The following TRPV1 variants were observed in gnomAD, a reference collection of about 807,000 sequenced individuals.
TRPV1 encodes OTRPC1.
A neutral mutation model predicts 82.3 loss-of-function variants in TRPV1; 82 were observed. That is an observed-to-expected ratio of 1.00 (90% CI 0.83 to 1.20). TRPV1 has a LOEUF of 1.20. TRPV1 is among the 50% of genes most tolerant of loss of function. TRPV1 has a pLI of 0.00. For missense variants in TRPV1, 1,067 were observed against 1,096.8 expected (o/e 0.97, Z 0.38); for synonymous variants, 515 against 467.7 (o/e 1.10, Z -1.30).
intron 2 of TRPV1, among the ~76,000 whole-genome samples, chr17:3,608,057 C>T (rs1166109750): frequency 6.6e-6 from 1 of 151,656 alleles, no homozygotes; most frequent in East Asian, 2.0e-4. Flanking sequence ...TCTACTAAAA[C>T]TAAATTAGCC....
intron 8 of TRPV1, 110 bp from the exon 9 acceptor site, chr17:3,586,036 C>A (rs1483571259): frequency 3.6e-6 from 5 of 1,404,136 alleles, no homozygotes; most frequent in Non-Finnish European, 4.8e-6. Flanking sequence ...AGTCCTCAGC[C>A]CACGGAGCAG....
intron 2 of TRPV1, chr17:3,596,808 T>C (rs997129654): frequency 6.6e-6 from 1 of 152,354 alleles, no homozygotes; most frequent in Non-Finnish European, 1.5e-5. Context: ...TGAGTGGACC[T>C]GCCCACAGTC....
rs940012640 is a variant in TRPV1 at position 3,571,959 on chromosome 17, C to T, written c.2231+163G>A. On this transcript the variant is annotated intron_variant, in intron 15 of 16. Coordinates refer to ENST00000572705, the MANE Select transcript of TRPV1 (RefSeq NM_080704.4). ...GAGATCTAAGATGGTCCCCTGTGCA[C>T]GCCCACAGCTGAGCTCAGGACGGCC... is the stretch of plus-strand genomic sequence containing the variant. Among the ~76,000 whole-genome samples the T allele has an allele frequency of 4.6e-5, 7 of 152,168 alleles. No homozygotes were observed. The South Asian group carries it at 1.0e-3, about 22-fold the overall frequency.
At chr17:3,608,792 A>C (rs545286762) in intron 1 of TRPV1, 1 of 152,316 alleles carries the variant, frequency 6.6e-6, no homozygotes, top group South Asian at 2.1e-4. Flanking sequence ...TCCCCAGAGC[A>C]CTTCAACCTC....
intron 14 of TRPV1, 146 bp downstream of exon 14, chr17:3,573,487 G>C (rs1179081471): frequency 4.5e-6 from 4 of 883,192 alleles, no homozygotes; most frequent in Non-Finnish European, 6.8e-6. Context: ...GCCCAGCTGG[G>C]TAAGGCAGCG....
intron 2 of TRPV1, among the ~76,000 whole-genome samples, chr17:3,600,143 G>C (rs541461213): frequency 6.6e-6 from 1 of 152,308 alleles, no homozygotes; most frequent in Non-Finnish European, 1.5e-5. Context: ...ATATATAAAA[G>C]ACTCAGCAGT....
intron 2 of TRPV1, among the ~76,000 whole-genome samples, chr17:3,594,422 C>T (rs2075199937): frequency 6.6e-6 from 1 of 151,902 alleles, no homozygotes; most frequent in Non-Finnish European, 1.5e-5. Flanking sequence ...AAAATTCAGG[C>T]AGTGAAACTC....
chr17:3,579,360 G>A lies in TRPV1; in HGVS notation c.1547+1097C>T, dbSNP rs78833381. On this transcript the variant is annotated intron_variant, in intron 11 of 16. Coordinates refer to ENST00000572705, the MANE Select transcript of TRPV1 (RefSeq NM_080704.4). The stretch of plus-strand genomic sequence containing the variant: ...CTTCCAGGAAGGAAGAGATCAGGAC[G>A]GGGACTGTGAGCCGAGATCCCAGGA... Among the ~76,000 whole-genome samples the A allele has an allele frequency of 4.5e-4, 68 of 152,250 alleles. No homozygotes were observed. In the East Asian group the frequency reaches 0.011, roughly 25 times the overall value.
rs941062065 is a variant in TRPV1 at position 3,570,870 on chromosome 17, T to A, written c.2347+654A>T. ...CTGGGATTACAGGTGCCTGCCACCA[T>A]GCCTGGCTAATTTTTGTATTTTTTT... On this transcript the variant is annotated intron_variant, in intron 16 of 16. Transcript: ENST00000572705. 3.3e-5 allele frequency among the ~76,000 whole-genome samples: 5 copies of A among 152,176 alleles called. No homozygotes were observed. The South Asian group carries it at 1.0e-3, about 32-fold the overall frequency.
intron 13 of TRPV1, among the ~76,000 whole-genome samples, chr17:3,574,514 GTCTC>G (rs2074903782): frequency 6.6e-6 from 1 of 152,142 alleles, no homozygotes; most frequent in South Asian, 2.1e-4. Flanking sequence ...CACCTATTAG[GTCTC>G]TCTTAGTCAC....
chr17:3,607,695 C>T (rs2075305720), intron 2 of TRPV1, among the ~76,000 whole-genome samples: 1 of 151,758 alleles, frequency 6.6e-6, no homozygotes. Context: ...TGCCATCATG[C>T]CCAGCTAACT....
chr17:3,585,669 C>A, intron 9 of TRPV1, 99 bp downstream of exon 9: 1 of 1,434,748 alleles, frequency 7.0e-7, no homozygotes, highest in Non-Finnish European at 9.4e-7. Context: ...GAGTCCAGGG[C>A]AGAGCCTGGG....
In TRPV1 at chr17:3,573,886, C is replaced by T. The variant is rs1325921318; in HGVS notation, c.1850G>A (p.Arg617Gln). 10 of 1,611,564 alleles carry T rather than the reference C, an allele frequency of 6.2e-6. No homozygotes were observed. The highest frequency in any genetic ancestry group is 1.3e-5 in the African/African-American group (1 of 74,522). Reference protein sequence around the residue: ...LPSESTSHRWRGPACRPPDSS... With the variant: ...LPSESTSHRWQGPACRPPDSS... The stretch of plus-strand genomic sequence containing the variant: ...ATCGGGGGGCCTGCAGGCAGGCCCC[C>T]GCCACCTGTGCGACGTGGACTCAGA... Residue 617 changes from arginine to glutamine, a missense_variant, in exon 14 of 17, where the codon CGG (arginine) becomes CAG (glutamine). Physicochemically the swap from Arg to Gln is conservative, Grantham distance 43. Coordinates refer to ENST00000572705, the MANE Select transcript of TRPV1 (RefSeq NM_080704.4).
chr17:3,597,366 T>C (rs2075229049), intron 2 of TRPV1, among the ~76,000 whole-genome samples: 1 of 152,106 alleles, frequency 6.6e-6, no homozygotes, highest in African/African-American at 2.4e-5. Context: ...GCTCCACAAA[T>C]GACATTCACA....
chr17:3,600,606 CAA>C (rs2075254157), intron 2 of TRPV1, among the ~76,000 whole-genome samples: 2 of 152,122 alleles, frequency 1.3e-5, no homozygotes, highest in African/African-American at 4.8e-5. Context: ...CAAAACGAAA[CAA>C]AACAAAAGAC....
chr17:3,594,115 G>A (rs1462135749), intron 2 of TRPV1, among the ~76,000 whole-genome samples: 1 of 99,520 alleles, frequency 1.0e-5, no homozygotes. Context: ...GCAACAGAGT[G>A]AAACTCTGTC....
chr17:3,585,950 G>C, intron 8 of TRPV1, 24 bp from the exon 9 acceptor site: 1 of 1,612,718 alleles, frequency 6.2e-7, no homozygotes, highest in Non-Finnish European at 8.5e-7. Context: ...AGAGAAGTGA[G>C]GTTCCCTCCT....
rs779161816 is a variant in TRPV1 at position 3,572,923 on chromosome 17, C to T, written c.2104-674G>A. Reference sequence around the variant, plus strand: ...GCTTGAAGTCGGGAGGCAGAGGTTGCAGTCAGCCAAGATCATGCCAATGCA... The same window carrying T: ...GCTTGAAGTCGGGAGGCAGAGGTTGTAGTCAGCCAAGATCATGCCAATGCA... On this transcript the variant is annotated intron_variant, in intron 14 of 16. Transcript: ENST00000572705. 1.4e-3 allele frequency among the ~76,000 whole-genome samples: 189 copies of T among 134,516 alleles called. 1 individual carries two copies. Among genetic ancestry groups the T allele is most frequent in the Non-Finnish European group, 2.6e-3 (173 of 65,554 alleles). 88.2% of individuals were successfully genotyped at this position (134,516 alleles called of 152,430 possible). A position where few individuals can be genotyped will look rare whatever the true frequency, so the allele number is the denominator to read the frequency against.
At chr17:3,576,898 T>A (rs2074939906) in intron 13 of TRPV1, among the ~76,000 whole-genome samples, 1 of 147,956 alleles carries the variant, frequency 6.8e-6, no homozygotes, top group Non-Finnish European at 1.5e-5. Context: ...GCCAAAATGC[T>A]ATGTGGCAGC....
Sources: allele counts gnomAD v4.1 joint callset (sites outside exome capture counted in the v4.1 genomes callset), GRCh38; gene constraint gnomAD v4.1.1; transcripts MANE v1.5; gene names NCBI Gene and HGNC (gene_info 2026-07-23, HGNC 2026-07-21).